RALGPS2: variants seen among roughly 807,000 people sequenced by gnomAD.
RALGPS2 encodes Ral GEF with PH domain and SH3 binding motif 2.
RALGPS2 carries 43 observed loss-of-function variants against 86.8 expected under a neutral mutation model. The observed-to-expected ratio is 0.50, with a 90% CI of 0.39 to 0.64. RALGPS2 has a LOEUF of 0.64. Ranked by LOEUF, RALGPS2 falls within the 30% of genes least tolerant of loss-of-function variation. RALGPS2 has a pLI of 0.00. For missense variants in RALGPS2, 536 were observed against 694.6 expected (o/e 0.77, Z 2.57); for synonymous variants, 243 against 231.3 (o/e 1.05, Z -0.46).
intron 19 of RALGPS2, among the ~76,000 whole-genome samples, chr1:178,909,243 ACTGTTCCATTGGTTCTATC>A (rs1347461093): frequency 6.6e-6 from 1 of 152,024 alleles, no homozygotes; most frequent in Non-Finnish European, 1.5e-5. Flanking sequence ...GGCTCTCTAT[ACTGTTCCATTGGTTCTATC>A]CTGTTCCATT....
intron 8 of RALGPS2, among the ~76,000 whole-genome samples, chr1:178,862,391 T>A (rs886110685): frequency 1.3e-5 from 2 of 152,090 alleles, no homozygotes; most frequent in African/African-American, 4.8e-5. Context: ...ACTGTAACCA[T>A]CTACCAGGAA....
At chr1:178,860,255 TGCAG>T (rs560494310) in intron 8 of RALGPS2, among the ~76,000 whole-genome samples, 3,261 of 152,256 alleles carry the variant, frequency 0.021, 39 homozygotes, top group Middle Eastern at 0.041. Flanking sequence ...TTTCATTGAT[TGCAG>T]CTTGTCAGGT....
At chr1:178,845,926 G>A (rs1485563931) in intron 8 of RALGPS2, among the ~76,000 whole-genome samples, 1 of 152,112 alleles carries the variant, frequency 6.6e-6, no homozygotes, top group African/African-American at 2.4e-5. Flanking sequence ...TACATTGTTA[G>A]TGGTGTCCTT....
chr1:178,847,661 G>T (rs1323802135), intron 8 of RALGPS2, among the ~76,000 whole-genome samples: 2 of 152,046 alleles, frequency 1.3e-5, no homozygotes, highest in East Asian at 1.9e-4. Context: ...TATTACTTTA[G>T]TACAGATTTA....
rs1659118526 is a variant in RALGPS2, at chr1:178,879,086, T to G, written c.836+94T>G. ...TTAAACATCTAAATCCTACATGGTATCATACAAAGGACTAATCCAGTGGTT... is the reference window on the plus strand; with the variant it reads ...TTAAACATCTAAATCCTACATGGTAGCATACAAAGGACTAATCCAGTGGTT... On this transcript the variant is annotated intron_variant, in intron 10 of 19. Coordinates refer to ENST00000367635, the MANE Select transcript of RALGPS2 (RefSeq NM_152663.5). 2.0e-6 allele frequency: 3 copies of G among 1,497,758 alleles called. No individual in the cohort carries two copies. In the Admixed American group the frequency reaches 7.4e-5, roughly 37 times the overall value. 92.8% of individuals were successfully genotyped at this position (1,497,758 alleles called of 1,614,324 possible). A position where few individuals can be genotyped will look rare whatever the true frequency, so the allele number is the denominator to read the frequency against.
intron 7 of RALGPS2, among the ~76,000 whole-genome samples, chr1:178,830,292 T>G (rs1436844278): frequency 6.6e-6 from 1 of 152,040 alleles, no homozygotes; most frequent in Admixed American, 6.6e-5. Context: ...AAGAAGACAA[T>G]GGGAATTGGG....
At chr1:178,771,885 C>T (rs780778740) in intron 1 of RALGPS2, among the ~76,000 whole-genome samples, 10 of 152,044 alleles carry the variant, frequency 6.6e-5, no homozygotes, top group South Asian at 4.2e-4. Flanking sequence ...ATTTTAATGG[C>T]TGCATAGTTT....
At chr1:178,731,284 T>G (rs998025308) in intron 1 of RALGPS2, among the ~76,000 whole-genome samples, 2 of 116,462 alleles carry the variant, frequency 1.7e-5, no homozygotes, top group African/African-American at 3.6e-5. Context: ...TTTTTTTTTT[T>G]TTTTTTTTTT....
intron 7 of RALGPS2, among the ~76,000 whole-genome samples, chr1:178,824,083 A>G (rs894312086): frequency 4.1e-4 from 62 of 152,318 alleles, no homozygotes; most frequent in African/African-American, 1.5e-3. Context: ...AAAATTGATC[A>G]CCTTTGTCAA....
At chr1:178,853,097 C>T (rs1657292166) in intron 8 of RALGPS2, 8 of 1,416,240 alleles carry the variant, frequency 5.6e-6, no homozygotes, top group South Asian at 5.3e-5. Flanking sequence ...TGGTCACTTG[C>T]GTTTTATAAG....
intron 1 of RALGPS2, among the ~76,000 whole-genome samples, chr1:178,738,545 G>A (rs1650851678): frequency 1.3e-5 from 2 of 152,080 alleles, no homozygotes; most frequent in South Asian, 4.1e-4. Flanking sequence ...TGAAAGGAAT[G>A]TGAATGTCAA....
At chr1:178,912,980 A>G (rs1456290071) in intron 19 of RALGPS2, among the ~76,000 whole-genome samples, 8 of 152,036 alleles carry the variant, frequency 5.3e-5, no homozygotes, top group Admixed American at 1.3e-4. Flanking sequence ...AATGCTTCCA[A>G]TTGCATTATG....
At chr1:178,781,404 G>A (rs1421745859) in intron 2 of RALGPS2, among the ~76,000 whole-genome samples, 3 of 152,106 alleles carry the variant, frequency 2.0e-5, no homozygotes, top group Non-Finnish European at 2.9e-5. Flanking sequence ...TGAAGTTTCC[G>A]TCAGTAGGAG....
intron 8 of RALGPS2, among the ~76,000 whole-genome samples, chr1:178,873,438 A>G (rs1029899204): frequency 1.3e-5 from 2 of 152,238 alleles, no homozygotes; most frequent in Middle Eastern, 3.2e-3. Flanking sequence ...GATTGGCAAA[A>G]TTGAGATGGA....
chr1:178,756,342 A>G (rs1572291271), intron 1 of RALGPS2, among the ~76,000 whole-genome samples: 1 of 152,092 alleles, frequency 6.6e-6, no homozygotes, highest in Non-Finnish European at 1.5e-5. Context: ...GTATATGGTA[A>G]AAGGTAGGGG....
At chr1:178,875,279 C>A (rs1558165764) in intron 8 of RALGPS2, among the ~76,000 whole-genome samples, 2 of 152,136 alleles carry the variant, frequency 1.3e-5, no homozygotes, top group African/African-American at 4.8e-5. Flanking sequence ...TTTCCTGACA[C>A]ATGTGTATCA....
intron 8 of RALGPS2, among the ~76,000 whole-genome samples, chr1:178,866,506 A>G (rs1658422421): frequency 6.6e-6 from 1 of 152,152 alleles, no homozygotes; most frequent in Non-Finnish European, 1.5e-5. Flanking sequence ...CTGTAATTAT[A>G]TGTACTCTGA....
chr1:178,896,448 A>G (rs1572461044), intron 16 of RALGPS2, among the ~76,000 whole-genome samples: 1 of 150,156 alleles, frequency 6.7e-6, no homozygotes, highest in South Asian at 2.1e-4. Flanking sequence ...GCAAAAGCAA[A>G]CTTCTTTATT....
At chr1:178,823,924 A>G (rs139352346) in intron 7 of RALGPS2, among the ~76,000 whole-genome samples, 1 of 152,294 alleles carries the variant, frequency 6.6e-6, no homozygotes, top group Admixed American at 6.5e-5. Flanking sequence ...TTGAAGCTAG[A>G]TGGGATTACC....
Sources: gnomAD v4.1 joint callset for allele counts (sites outside exome capture counted in the v4.1 genomes callset) on GRCh38, gnomAD v4.1.1 for gene constraint, MANE v1.5 for transcripts, NCBI Gene and HGNC (gene_info 2026-07-23, HGNC 2026-07-21) for gene names.